Variants in PTPRQ observed in about 807,000 individuals in gnomAD.
The protein encoded by PTPRQ is protein tyrosine phosphatase receptor type Q.
Under a neutral mutation model 246.0 loss-of-function variants are expected in PTPRQ, and 199 were observed. That is an observed-to-expected ratio of 0.81 (90% CI 0.72 to 0.91). The LOEUF (loss-of-function observed/expected upper bound fraction) is 0.91. Among genes scored for constraint, PTPRQ ranks in the 40% least tolerant of loss-of-function variants. The pLI, the probability that PTPRQ is intolerant of heterozygous loss-of-function variation, is 0.00. For synonymous variants in PTPRQ, 869 were observed against 853.2 expected (o/e 1.02, Z -0.32); for missense variants, 2,624 against 2,528.4 (o/e 1.04, Z -0.81).
chr12:80,500,074 T>A (rs1183008222), intron 14 of PTPRQ, among the ~76,000 whole-genome samples: 1 of 151,952 alleles, frequency 6.6e-6, no homozygotes. Context: ...CCCCATAAAT[T>A]TATTTGTATT....
intron 24 of PTPRQ, among the ~76,000 whole-genome samples, chr12:80,549,109 T>C (rs1896392812): frequency 2.0e-5 from 3 of 152,128 alleles, no homozygotes; most frequent in Non-Finnish European, 2.9e-5. Flanking sequence ...CATAATAAAG[T>C]ATTGCTAAGA....
intron 3 of PTPRQ, among the ~76,000 whole-genome samples, chr12:80,453,361 C>T (rs1191804451): frequency 1.3e-5 from 2 of 152,230 alleles, no homozygotes; most frequent in Non-Finnish European, 2.9e-5. Context: ...CTTCTTCTCT[C>T]AACTCGTGAA....
chr12:80,454,652 C>T, intron 3 of PTPRQ: 1 of 642,750 alleles, frequency 1.6e-6, no homozygotes, highest in Non-Finnish European at 2.8e-6. Flanking sequence ...TTGATGCCTA[C>T]TTTGTTGAGG....
At chr12:80,575,953 A>G (rs970418049) in intron 25 of PTPRQ, among the ~76,000 whole-genome samples, 3 of 151,854 alleles carry the variant, frequency 2.0e-5, no homozygotes, top group Non-Finnish European at 1.5e-5. Flanking sequence ...CCCCAACCTC[A>G]CACCATCCTT....
chr12:80,542,288 T>C lies in PTPRQ; in HGVS notation c.3645T>C (p.Tyr1215=), dbSNP rs956967042. The C allele has an allele frequency of 1.3e-6, 2 of 1,550,104 alleles. No individual in the cohort carries two copies. Among genetic ancestry groups the C allele is most frequent in the East Asian group, 2.4e-5 (1 of 40,852 alleles). The change falls in exon 22 of 45, where the codon TAT becomes TAC. Residue 1215 remains tyrosine, a synonymous_variant. Coordinates refer to ENST00000644991, the MANE Select transcript of PTPRQ (RefSeq NM_001145026.2). ...AAGAGCTTTCACCATTTACATTATA[T>C]AGCTTTTTTGCTGCCGCAAGAACTA... ...ILEELSPFTL[Y]SFFAAARTRK...
chr12:80,624,173 A>C (rs1009763963), intron 33 of PTPRQ, among the ~76,000 whole-genome samples: 2 of 152,176 alleles, frequency 1.3e-5, no homozygotes, highest in Admixed American at 6.5e-5. Flanking sequence ...AAAGATGTGT[A>C]ATGAAGGACA....
At chr12:80,516,246 G>T (rs1322327470) in intron 17 of PTPRQ, among the ~76,000 whole-genome samples, 2 of 152,122 alleles carry the variant, frequency 1.3e-5, no homozygotes, top group Non-Finnish European at 2.9e-5. Flanking sequence ...TTTTAGATGT[G>T]TCAGTAAAAT....
At chr12:80,634,570 A>G (rs188789243) in intron 34 of PTPRQ, 1 of 174,504 alleles carries the variant, frequency 5.7e-6, no homozygotes, top group Admixed American at 6.4e-5. Context: ...GCATTGAACT[A>G]TTTTCACTTT....
intron 25 of PTPRQ, among the ~76,000 whole-genome samples, chr12:80,578,434 G>C (rs568463802): frequency 6.6e-6 from 1 of 151,254 alleles, no homozygotes; most frequent in African/African-American, 2.4e-5. Flanking sequence ...TCTGTCGCCC[G>C]GGCTGGAGTG....
chr12:80,525,388 A>C (rs938814687), intron 17 of PTPRQ, among the ~76,000 whole-genome samples: 3 of 152,184 alleles, frequency 2.0e-5, no homozygotes, highest in African/African-American at 7.2e-5. Context: ...AACAGCAAGA[A>C]GCTTGATGTG....
chr12:80,671,659 A>G lies in PTPRQ; in HGVS notation c.6602+1167A>G, dbSNP rs1900974046. Among the ~76,000 whole-genome samples the G allele has an allele frequency of 2.0e-5, 3 of 152,116 alleles. No individual in the cohort carries two copies. The South Asian group carries it at 6.2e-4, about 32-fold the overall frequency. On this transcript the variant is annotated intron_variant, in intron 42 of 44. Coordinates refer to ENST00000644991, the MANE Select transcript of PTPRQ (RefSeq NM_001145026.2). ...TTTAGACTTCTACATTTAGCTTCCA[A>G]TTCAACTTGACAGACTGAATGACTA... is the stretch of plus-strand genomic sequence containing the variant.
intron 25 of PTPRQ, among the ~76,000 whole-genome samples, chr12:80,562,033 T>G (rs908592805): frequency 3.3e-5 from 5 of 152,200 alleles, no homozygotes; most frequent in African/African-American, 1.2e-4. Flanking sequence ...GATAGTATTC[T>G]TGCAATTTTT....
intron 21 of PTPRQ, 57 bp from the exon 22 acceptor site, chr12:80,542,032 C>CT: frequency 6.6e-6 from 10 of 1,509,274 alleles, no homozygotes; most frequent in Non-Finnish European, 8.8e-6. Flanking sequence ...ATTGAATCCT[C>CT]TTTTTTTAAT....
At chr12:80,629,545 C>T (rs571516531) in intron 33 of PTPRQ, among the ~76,000 whole-genome samples, 1 of 151,982 alleles carries the variant, frequency 6.6e-6, no homozygotes, top group East Asian at 1.9e-4. Context: ...ATCTGGCTCC[C>T]TAGGAGTGAG....
intron 26 of PTPRQ, among the ~76,000 whole-genome samples, chr12:80,592,843 C>T (rs1897845648): frequency 6.6e-6 from 1 of 151,904 alleles, no homozygotes; most frequent in South Asian, 2.1e-4. Flanking sequence ...AACCCTGTCT[C>T]TTCTAAAAAT....
At chr12:80,497,562 G>A (rs1258026274) in intron 14 of PTPRQ, among the ~76,000 whole-genome samples, 4 of 152,038 alleles carry the variant, frequency 2.6e-5, no homozygotes, top group African/African-American at 9.7e-5. Flanking sequence ...AGAGGTTGCT[G>A]GATGGGTTGG....
intron 43 of PTPRQ, among the ~76,000 whole-genome samples, chr12:80,677,529 A>G (rs1844577428): frequency 6.6e-6 from 1 of 152,214 alleles, no homozygotes; most frequent in Non-Finnish European, 1.5e-5. Flanking sequence ...CACTTATTAT[A>G]CAACTACTAT....
intron 27 of PTPRQ, among the ~76,000 whole-genome samples, chr12:80,609,570 C>A (rs1404480796): frequency 6.6e-6 from 1 of 150,384 alleles, no homozygotes; most frequent in African/African-American, 2.4e-5. Flanking sequence ...AGTGAATAGG[C>A]CAGAACCTCC....
At chr12:80,523,795 A>G (rs946683453) in intron 17 of PTPRQ, among the ~76,000 whole-genome samples, 1 of 152,142 alleles carries the variant, frequency 6.6e-6, no homozygotes, top group Non-Finnish European at 1.5e-5. Context: ...CTATGTGGTC[A>G]ATTTTGGAAT....
Sources: gnomAD v4.1 joint callset for allele counts (sites outside exome capture counted in the v4.1 genomes callset) on GRCh38, gnomAD v4.1.1 for gene constraint, MANE v1.5 for transcripts, NCBI Gene and HGNC (gene_info 2026-07-23, HGNC 2026-07-21) for gene names.